The following DNAJC6 variants were observed in gnomAD, a reference collection of about 807,000 sequenced individuals.
The protein encoded by DNAJC6 is auxilin.
DNAJC6 carries 34 observed loss-of-function variants against 110.0 expected under a neutral mutation model. The observed-to-expected ratio is 0.31, with a 90% CI of 0.24 to 0.41. The LOEUF (loss-of-function observed/expected upper bound fraction) is 0.41. Among genes scored for constraint, DNAJC6 ranks in the 10% least tolerant of loss-of-function variants. The pLI, the probability that DNAJC6 is intolerant of heterozygous loss-of-function variation, is 1.00. For synonymous variants in DNAJC6, 406 were observed against 437.2 expected (o/e 0.93, Z 0.89); for missense variants, 1,031 against 1,207.8 (o/e 0.85, Z 2.17).
intron 1 of DNAJC6, among the ~76,000 whole-genome samples, chr1:65,334,792 T>C (rs535027651): frequency 3.3e-5 from 5 of 152,176 alleles, no homozygotes; most frequent in Non-Finnish European, 5.9e-5. Context: ...CTCAGATTTC[T>C]TTGTATCTAC....
rs914394613 is a variant in DNAJC6 at position 65,389,697 on chromosome 1, C to G, written c.1468+70C>G. The G allele has an allele frequency of 9.7e-6, 15 of 1,538,852 alleles. No individual in the cohort carries two copies. In the African/African-American group the frequency reaches 1.9e-4, roughly 20 times the overall value. ...TATTTCTTCTGTAAAGATGTTGGCC[C>G]TAGAAGCAGACTACATTAAAGCAGC... On this transcript the variant is annotated intron_variant, in intron 11 of 18. Transcript: ENST00000371069.
At chr1:65,338,164 G>A (rs559982647) in intron 1 of DNAJC6, among the ~76,000 whole-genome samples, 1 of 152,132 alleles carries the variant, frequency 6.6e-6, no homozygotes, top group South Asian at 2.1e-4. Flanking sequence ...AGTGGACAGA[G>A]CTAGGAGCAA....
chr1:65,318,078 T>G (rs888953845), intron 1 of DNAJC6, among the ~76,000 whole-genome samples: 4 of 152,146 alleles, frequency 2.6e-5, no homozygotes, highest in African/African-American at 4.8e-5. Context: ...AGGGTGAGTC[T>G]GCTTGAGGAG....
chr1:65,352,374 A>C (rs1052265820), intron 1 of DNAJC6, among the ~76,000 whole-genome samples: 23 of 152,158 alleles, frequency 1.5e-4, no homozygotes, highest in African/African-American at 5.5e-4. Flanking sequence ...TATCCTAACT[A>C]AGTAATCTGG....
At chr1:65,350,611 G>T (rs10736401) in intron 1 of DNAJC6, among the ~76,000 whole-genome samples, 99,239 of 152,066 alleles carry the variant, frequency 0.65, 33,150 homozygotes, top group African/African-American at 0.81. Flanking sequence ...TATTCTGGAA[G>T]ACAGTTAAAT....
intron 1 of DNAJC6, among the ~76,000 whole-genome samples, chr1:65,285,453 G>A (rs527293293): frequency 2.0e-5 from 3 of 152,144 alleles, no homozygotes; most frequent in South Asian, 2.1e-4. Flanking sequence ...TCCCTGCAAC[G>A]TTTTATGAAT....
chr1:65,273,036 A>G (rs1653556440), intron 1 of DNAJC6, among the ~76,000 whole-genome samples: 1 of 151,816 alleles, frequency 6.6e-6, no homozygotes, highest in Non-Finnish European at 1.5e-5. Context: ...TGGCATTTCT[A>G]TTTATTGTCC....
chr1:65,286,322 C>T (rs992276742), intron 1 of DNAJC6, among the ~76,000 whole-genome samples: 6 of 152,092 alleles, frequency 3.9e-5, no homozygotes, highest in Non-Finnish European at 8.8e-5. Flanking sequence ...TCATGGCTCA[C>T]TGCGACCTCA....
At chr1:65,310,043 G>C (rs1645083941) in intron 1 of DNAJC6, 105 bp downstream of exon 1, 23 of 1,313,184 alleles carry the variant, frequency 1.8e-5, no homozygotes, top group Non-Finnish European at 2.3e-5. Flanking sequence ...CCCGGTTTGC[G>C]AGAGAGCCGG....
rs547063255 is a variant in DNAJC6, at chr1:65,267,631, G to A, written c.-131+2699G>A. ...CTGAAATAAATCATAGCTCAGTAATGGTTTTCAAGGAGTCTGTGAAATGCA... is the reference window on the plus strand; with the variant it reads ...CTGAAATAAATCATAGCTCAGTAATAGTTTTCAAGGAGTCTGTGAAATGCA... On this transcript the variant is annotated intron_variant, in intron 1 of 19. Transcript: ENST00000263441. 2.1e-4 allele frequency among the ~76,000 whole-genome samples: 32 copies of A among 151,920 alleles called. 1 individual carries two copies. Among genetic ancestry groups the A allele is most frequent in the South Asian group, 1.0e-3 (5 of 4,808 alleles).
At chr1:65,266,098 C>G (rs112737868) in intron 1 of DNAJC6, among the ~76,000 whole-genome samples, 237 of 152,342 alleles carry the variant, frequency 1.6e-3, no homozygotes, top group African/African-American at 5.6e-3. Context: ...CTCCCCACGC[C>G]GGAGCTAAGT....
chr1:65,407,851 A>C (rs1646092188), intron 16 of DNAJC6, among the ~76,000 whole-genome samples: 1 of 152,236 alleles, frequency 6.6e-6, no homozygotes. Context: ...AATGGTTTTC[A>C]ACTCAAAAAC....
At chr1:65,305,290 A>C (rs1444772183), upstream of DNAJC6, among the ~76,000 whole-genome samples, 1 of 152,220 alleles carries the variant, frequency 6.6e-6, no homozygotes, top group Non-Finnish European at 1.5e-5. Context: ...TTAGTACCAG[A>C]GATTGTCCCA....
intron 7 of DNAJC6, among the ~76,000 whole-genome samples, chr1:65,386,527 G>C (rs1645874204): frequency 6.6e-6 from 1 of 152,126 alleles, no homozygotes; most frequent in Non-Finnish European, 1.5e-5. Flanking sequence ...AAATACATGG[G>C]GGCTAGATGC....
In DNAJC6 at chr1:65,313,081, C is replaced by T. The variant is rs561432484; in HGVS notation, c.193+3143C>T. 6.1e-5 allele frequency among the ~76,000 whole-genome samples: 9 copies of T among 147,838 alleles called. No individual in the cohort carries two copies. In the South Asian group the frequency reaches 2.0e-3, roughly 32 times the overall value. On this transcript the variant is annotated intron_variant, in intron 1 of 18. Coordinates refer to ENST00000371069, the MANE Select transcript of DNAJC6 (RefSeq NM_001256864.2). ...TCCCAAAGTGCTGTGATTACAGGGT[C>T]TTGCTCCATTGCCCAGGCTGGAGTG... is the stretch of plus-strand genomic sequence containing the variant.
At chr1:65,356,746 A>G (rs919067956) in intron 1 of DNAJC6, among the ~76,000 whole-genome samples, 12 of 151,980 alleles carry the variant, frequency 7.9e-5, no homozygotes, top group African/African-American at 1.5e-4. Flanking sequence ...GTTCCAGTTT[A>G]TAGGGTGGGG....
At chr1:65,278,100 C>T (rs1181430619) in intron 1 of DNAJC6, among the ~76,000 whole-genome samples, 1 of 152,216 alleles carries the variant, frequency 6.6e-6, no homozygotes. Context: ...AAACCCTTTA[C>T]CGTGGCTGAG....
intron 1 of DNAJC6, among the ~76,000 whole-genome samples, chr1:65,347,603 A>T (rs773498063): frequency 1.3e-5 from 2 of 152,100 alleles, no homozygotes; most frequent in Non-Finnish European, 2.9e-5. Flanking sequence ...AATATAGGTA[A>T]TGTTTATATT....
At chr1:65,382,482 G>A (rs1645831142) in intron 5 of DNAJC6, among the ~76,000 whole-genome samples, 2 of 152,190 alleles carry the variant, frequency 1.3e-5, no homozygotes, top group Non-Finnish European at 1.5e-5. Flanking sequence ...GGGTCACATA[G>A]TGAATTTGGA....
Sources: allele counts gnomAD v4.1 joint callset (sites outside exome capture counted in the v4.1 genomes callset), GRCh38; gene constraint gnomAD v4.1.1; transcripts MANE v1.5; gene names NCBI Gene and HGNC (gene_info 2026-07-23, HGNC 2026-07-21).